The following SHC3 variants were observed in gnomAD, a reference collection of about 807,000 sequenced individuals.
SHC3 encodes SHC adaptor protein 3, also known as SHC-transforming protein 3.
A neutral mutation model predicts 60.4 loss-of-function variants in SHC3; 15 were observed. The ratio of observed to expected loss-of-function variants is 0.25; its 90% CI spans 0.17 to 0.38. SHC3 has a LOEUF of 0.38. Ranked by LOEUF, SHC3 falls within the 10% of genes least tolerant of loss-of-function variation. The pLI, the probability that SHC3 is intolerant of heterozygous loss-of-function variation, is 1.00. For synonymous variants in SHC3, 294 were observed against 325.9 expected (o/e 0.90, Z 1.05); for missense variants, 677 against 786.1 (o/e 0.86, Z 1.66).
intron 1 of SHC3, among the ~76,000 whole-genome samples, chr9:89,122,801 G>T (rs80330097): frequency 1.9e-4 from 29 of 152,162 alleles, no homozygotes; most frequent in African/African-American, 6.5e-4. Context: ...GGAGTCAGGT[G>T]GGGGAGTAGG....
intron 2 of SHC3, among the ~76,000 whole-genome samples, chr9:89,091,332 A>C (rs1825618319): frequency 6.6e-6 from 1 of 152,268 alleles, no homozygotes; most frequent in South Asian, 2.1e-4. Context: ...CATCAGCAGA[A>C]AACAAATGTT....
intron 1 of SHC3, among the ~76,000 whole-genome samples, chr9:89,113,906 A>T (rs1825986149): frequency 6.6e-6 from 1 of 152,224 alleles, no homozygotes; most frequent in Non-Finnish European, 1.5e-5. Flanking sequence ...AACATTGCAG[A>T]GTTATGTGAT....
intron 1 of SHC3, among the ~76,000 whole-genome samples, chr9:89,152,468 G>T (rs1402525850): frequency 6.6e-6 from 1 of 152,118 alleles, no homozygotes; most frequent in African/African-American, 2.4e-5. Context: ...AGTCTTAGTG[G>T]GTCCACCATA....
chr9:89,166,403 G>A (rs1043821859), intron 1 of SHC3, among the ~76,000 whole-genome samples: 3 of 152,190 alleles, frequency 2.0e-5, no homozygotes, highest in African/African-American at 4.8e-5. Flanking sequence ...AAAAATTGAT[G>A]AAGGAATACA....
At chr9:89,070,044 TG>T (rs1159326412) in intron 5 of SHC3, among the ~76,000 whole-genome samples, 1 of 152,200 alleles carries the variant, frequency 6.6e-6, no homozygotes, top group East Asian at 1.9e-4. Flanking sequence ...TAAACCTTTA[TG>T]TAACATCTGA....
At chr9:89,093,039 A>C (rs1825648833) in intron 2 of SHC3, among the ~76,000 whole-genome samples, 1 of 152,230 alleles carries the variant, frequency 6.6e-6, no homozygotes, top group Non-Finnish European at 1.5e-5. Flanking sequence ...AGTCCATTAC[A>C]AAGAATGCTT....
chr9:89,137,009 T>G (rs969250066), intron 1 of SHC3, among the ~76,000 whole-genome samples: 2 of 152,124 alleles, frequency 1.3e-5, no homozygotes, highest in Non-Finnish European at 2.9e-5. Flanking sequence ...ACATCTTACA[T>G]GCTTGGAGCA....
At chr9:89,123,857 A>G (rs909633013) in intron 1 of SHC3, among the ~76,000 whole-genome samples, 1 of 152,148 alleles carries the variant, frequency 6.6e-6, no homozygotes, top group Non-Finnish European at 1.5e-5. Context: ...GGGCCCATAA[A>G]TGGGAATGTC....
intron 1 of SHC3, among the ~76,000 whole-genome samples, chr9:89,155,481 G>C (rs115695662): frequency 1.3e-5 from 2 of 152,064 alleles, no homozygotes; most frequent in Admixed American, 1.3e-4. Flanking sequence ...CAGGATGTGC[G>C]AGTGTCACCC....
intron 2 of SHC3, among the ~76,000 whole-genome samples, chr9:89,082,924 T>C (rs1370464678): frequency 1.3e-5 from 2 of 152,238 alleles, no homozygotes; most frequent in Non-Finnish European, 2.9e-5. Flanking sequence ...ACCCAATTGT[T>C]AGCTCCGCTT....
chr9:89,046,653 A>G (rs746844122), intron 8 of SHC3, among the ~76,000 whole-genome samples, 191 bp downstream of exon 8: 7 of 152,182 alleles, frequency 4.6e-5, no homozygotes, highest in Non-Finnish European at 1.0e-4. Flanking sequence ...CATTTGGCCA[A>G]TGCTTTATGA....
In SHC3 at chr9:89,178,390, C is replaced by G; in HGVS notation, c.71G>C (p.Ser24Thr). The G allele has an allele frequency of 6.4e-7, 1 of 1,569,600 alleles. No individual in the cohort carries two copies. Among genetic ancestry groups the G allele is most frequent in the Non-Finnish European group, 8.6e-7 (1 of 1,160,182 alleles). Residue 24 changes from serine (S) to threonine (T), a missense_variant, in exon 1 of 12, where the codon AGC (serine) becomes ACC (threonine). Coordinates refer to ENST00000375835, the MANE Select transcript of SHC3 (RefSeq NM_016848.6). This position sits in a 1 kb window ranked among gnomAD's most constrained non-coding sequence, Gnocchi z 6.9. ...GCCTCCGCCGCCGCTCACCGACAGGCTGTGGAGAAGGTCATCGACCGATGT... is the reference window on the plus strand; with the variant it reads ...GCCTCCGCCGCCGCTCACCGACAGGGTGTGGAGAAGGTCATCGACCGATGT... ...SVTSVDDLLH[S>T]LSVSGGGGKV... is the part of the protein sequence containing the mutation.
At chr9:89,037,403 C>A in intron 11 of SHC3, 1 of 652,402 alleles carries the variant, frequency 1.5e-6, no homozygotes, top group Non-Finnish European at 2.8e-6. Flanking sequence ...AATTCTTGGA[C>A]TATGCCCCAG....
intron 6 of SHC3, among the ~76,000 whole-genome samples, chr9:89,052,515 C>T (rs7853574): frequency 0.018 from 2,777 of 152,270 alleles, 81 homozygotes; most frequent in African/African-American, 0.062. Flanking sequence ...GACTTCAGCA[C>T]GACAAAGAGC....
intron 2 of SHC3, among the ~76,000 whole-genome samples, chr9:89,106,676 C>T (rs970395682): frequency 4.6e-5 from 7 of 152,116 alleles, no homozygotes; most frequent in Non-Finnish European, 8.8e-5. Context: ...TGGCTGTGCC[C>T]ACCCCTGCCA....
intron 2 of SHC3, among the ~76,000 whole-genome samples, chr9:89,107,092 G>C (rs775784555): frequency 1.3e-5 from 2 of 152,180 alleles, no homozygotes; most frequent in Non-Finnish European, 2.9e-5. Flanking sequence ...AGTTGGACCA[G>C]CTAAGGGACT....
chr9:89,130,543 A>G (rs1213929705), intron 1 of SHC3, among the ~76,000 whole-genome samples: 1 of 152,230 alleles, frequency 6.6e-6, no homozygotes, highest in African/African-American at 2.4e-5. Context: ...AATGTAAAAG[A>G]ACAGAAATTA....
chr9:89,085,111 C>A (rs1347676352), intron 2 of SHC3, among the ~76,000 whole-genome samples: 1 of 152,202 alleles, frequency 6.6e-6, no homozygotes, highest in Non-Finnish European at 1.5e-5. Context: ...GCAAACTTGG[C>A]CCCAAAGCTT....
chr9:89,016,951 C>T (rs1189164470), intron 11 of SHC3, among the ~76,000 whole-genome samples: 2 of 152,064 alleles, frequency 1.3e-5, no homozygotes, highest in Non-Finnish European at 2.9e-5. Flanking sequence ...TGACAAAATC[C>T]AACAAATCTT....
Sources: gnomAD v4.1 joint callset for allele counts (sites outside exome capture counted in the v4.1 genomes callset) on GRCh38, gnomAD v4.1.1 for gene constraint, Gnocchi (gnomAD v3.1) non-coding constraint, MANE v1.5 for transcripts, NCBI Gene and HGNC (gene_info 2026-07-23, HGNC 2026-07-21) for gene names.